BCKDHB: variants seen among roughly 807,000 people sequenced by gnomAD.
BCKDHB encodes the protein branched chain keto acid dehydrogenase E1 subunit beta, also known as 2-oxoisovalerate dehydrogenase subunit beta, mitochondrial.
Under a neutral mutation model 48.5 loss-of-function variants are expected in BCKDHB, and 41 were observed. The ratio of observed to expected loss-of-function variants is 0.85; its 90% CI spans 0.66 to 1.10. The LOEUF (loss-of-function observed/expected upper bound fraction) is 1.10, where lower values mean the gene tolerates loss of function less well. Ranked by LOEUF, BCKDHB falls within the 50% of genes least tolerant of loss-of-function variation. The pLI is 0.00. For missense variants in BCKDHB, 496 were observed against 494.2 expected (o/e 1.00, Z -0.03); for synonymous variants, 201 against 174.8 (o/e 1.15, Z -1.18).
intron 6 of BCKDHB, among the ~76,000 whole-genome samples, chr6:80,191,616 A>C (rs75222051): frequency 0.035 from 5,238 of 151,546 alleles, 282 homozygotes; most frequent in African/African-American, 0.12. Context: ...AGCATGTTGC[A>C]GTCATCTCAT....
intron 9 of BCKDHB, among the ~76,000 whole-genome samples, chr6:80,295,222 G>A (rs1360197605): frequency 1.3e-5 from 2 of 152,130 alleles, no homozygotes; most frequent in Non-Finnish European, 2.9e-5. Context: ...TACTGTATTA[G>A]TGTGTTCTCA....
At chr6:80,341,026 T>C (rs962103581) in intron 9 of BCKDHB, among the ~76,000 whole-genome samples, 1 of 152,234 alleles carries the variant, frequency 6.6e-6, no homozygotes, top group Non-Finnish European at 1.5e-5. Flanking sequence ...AAGAAATAAC[T>C]TAAGGCTCTT....
intron 1 of BCKDHB, among the ~76,000 whole-genome samples, chr6:80,117,085 G>T (rs1174196828): frequency 6.6e-6 from 1 of 152,086 alleles, no homozygotes; most frequent in African/African-American, 2.4e-5. Flanking sequence ...AAAAAGAAAT[G>T]AAAAGTAAAT....
At chr6:80,351,906 C>G in the BCKDHB span, among the ~76,000 whole-genome samples, 6 of 151,212 alleles carry the variant, frequency 4.0e-5, no homozygotes, top group African/African-American at 1.5e-4. Flanking sequence ...ACCACAACCT[C>G]TGCCTTCCGG....
the BCKDHB span, among the ~76,000 whole-genome samples, chr6:80,405,483 G>A: frequency 6.6e-6 from 1 of 151,898 alleles, no homozygotes; most frequent in African/African-American, 2.4e-5. Context: ...TTATTCATTC[G>A]GTCGCTATGC....
chr6:80,175,495 A>G lies in BCKDHB; in HGVS notation c.742+4105A>G, dbSNP rs573955219. Among the ~76,000 whole-genome samples the G allele has an allele frequency of 2.0e-5, 3 of 152,296 alleles. No individual in the cohort carries two copies. The East Asian group carries it at 5.8e-4, about 29-fold the overall frequency. The stretch of plus-strand genomic sequence containing the variant: ...TTAAGGAGGGAAGAGATCTGTTTGA[A>G]ATAATTCAGCTGTTTACCCTTTGAC... On this transcript the variant is annotated intron_variant, in intron 6 of 9. Transcript: ENST00000320393.
At chr6:80,394,598 CTGTG>C in the BCKDHB span, among the ~76,000 whole-genome samples, 1 of 152,122 alleles carries the variant, frequency 6.6e-6, no homozygotes, top group Non-Finnish European at 1.5e-5. Context: ...ATTGGGAACT[CTGTG>C]TGTGGTGTGG....
At chr6:80,149,562 A>T (rs1036066297) in intron 3 of BCKDHB, among the ~76,000 whole-genome samples, 3 of 151,716 alleles carry the variant, frequency 2.0e-5, no homozygotes, top group Non-Finnish European at 4.4e-5. Flanking sequence ...ACAATAGCAA[A>T]GACTTGGAAC....
chr6:80,451,004 A>G, the BCKDHB span, among the ~76,000 whole-genome samples: 3 of 152,214 alleles, frequency 2.0e-5, no homozygotes, highest in Non-Finnish European at 4.4e-5. Flanking sequence ...TCAACTAAAG[A>G]CGTCATGAGG....
At chr6:80,267,022 C>T (rs1777542858) in intron 8 of BCKDHB, among the ~76,000 whole-genome samples, 1 of 151,884 alleles carries the variant, frequency 6.6e-6, no homozygotes, top group Non-Finnish European at 1.5e-5. Context: ...TTCCTCAAAA[C>T]AAAGAAACAA....
At chr6:80,162,223 C>T (rs1323203037) in intron 3 of BCKDHB, among the ~76,000 whole-genome samples, 10 of 152,266 alleles carry the variant, frequency 6.6e-5, no homozygotes, top group African/African-American at 2.2e-4. Flanking sequence ...ACAGCTTCTC[C>T]CATCCTTATT....
the BCKDHB span, among the ~76,000 whole-genome samples, chr6:80,442,355 T>C: frequency 1.3e-5 from 2 of 152,332 alleles, no homozygotes; most frequent in East Asian, 1.9e-4. Context: ...TAGACCATCC[T>C]ATTTCACAAT....
the BCKDHB span, among the ~76,000 whole-genome samples, chr6:80,428,200 A>G: frequency 6.6e-6 from 1 of 152,170 alleles, no homozygotes; most frequent in Non-Finnish European, 1.5e-5. Flanking sequence ...AAGGACATGA[A>G]TTCATCCTTT....
the BCKDHB span, among the ~76,000 whole-genome samples, chr6:80,371,376 C>A: frequency 6.6e-6 from 1 of 151,946 alleles, no homozygotes; most frequent in Non-Finnish European, 1.5e-5. Context: ...CTTGTAGAGT[C>A]AGGATATTAA....
intron 3 of BCKDHB, among the ~76,000 whole-genome samples, chr6:80,140,103 T>G (rs1356297627): frequency 1.3e-5 from 2 of 152,170 alleles, no homozygotes; most frequent in East Asian, 1.9e-4. Flanking sequence ...TGGCTCTCTG[T>G]TTGTCTTTTA....
chr6:80,457,694 A>G, the BCKDHB span, among the ~76,000 whole-genome samples: 1 of 152,362 alleles, frequency 6.6e-6, no homozygotes, highest in East Asian at 1.9e-4. Context: ...TGTCTCATCT[A>G]CCGGGAAGTC....
chr6:80,181,638 A>G (rs1773416781), intron 6 of BCKDHB, among the ~76,000 whole-genome samples: 1 of 152,126 alleles, frequency 6.6e-6, no homozygotes, highest in Admixed American at 6.6e-5. Flanking sequence ...CTGTCCCTTT[A>G]TCACCCTGCG....
At chr6:80,409,625 T>C in the BCKDHB span, among the ~76,000 whole-genome samples, 3 of 101,912 alleles carry the variant, frequency 2.9e-5, no homozygotes, top group Middle Eastern at 4.4e-3. Flanking sequence ...TATATATATA[T>C]ATATATGATA....
At chr6:80,127,838 A>G (rs955316326) in intron 2 of BCKDHB, among the ~76,000 whole-genome samples, 2 of 152,136 alleles carry the variant, frequency 1.3e-5, no homozygotes, top group African/African-American at 4.8e-5. Context: ...TTTCTCTTAC[A>G]GTGTGTGTGG....
Sources: gnomAD v4.1 joint callset for allele counts (sites outside exome capture counted in the v4.1 genomes callset) on GRCh38, gnomAD v4.1.1 for gene constraint, MANE v1.5 for transcripts, NCBI Gene and HGNC (gene_info 2026-07-23, HGNC 2026-07-21) for gene names.